The following ENOX1 variants were observed in gnomAD, a reference collection of about 807,000 sequenced individuals.
The protein encoded by ENOX1 is candidate growth-related and time keeping constitutive hydroquinone (NADH) oxidase.
In ENOX1, 42 loss-of-function variants were observed where a neutral mutation model predicts 82.5. The ratio of observed to expected loss-of-function variants is 0.51; its 90% CI spans 0.40 to 0.66. The LOEUF is 0.66. ENOX1 is among the 30% of genes least tolerant of loss of function. The pLI, the probability that ENOX1 is intolerant of heterozygous loss-of-function variation, is 0.00. For missense variants in ENOX1, 608 were observed against 811.6 expected, an observed-to-expected ratio of 0.75 and a Z score of 3.05; for synonymous variants, 271 against 282.2, an observed-to-expected ratio of 0.96 and a Z score of 0.40.
At chr13:43,462,978 TTC>T (rs1593323606) in intron 3 of ENOX1, among the ~76,000 whole-genome samples, 1 of 152,208 alleles carries the variant, frequency 6.6e-6, no homozygotes, top group African/African-American at 2.4e-5. Flanking sequence ...GTGCCTCTCA[TTC>T]TCTGTTTTGG....
At chr13:43,623,582 C>G (rs1255780055) in intron 2 of ENOX1, among the ~76,000 whole-genome samples, 4 of 152,246 alleles carry the variant, frequency 2.6e-5, no homozygotes, top group African/African-American at 9.6e-5. Flanking sequence ...GGGCACTCAA[C>G]AGTTTTGCGG....
At chr13:43,412,727 G>C (rs1487615611) in intron 4 of ENOX1, 118 bp downstream of exon 4, 7 of 1,146,208 alleles carry the variant, frequency 6.1e-6, no homozygotes, top group East Asian at 5.0e-5. Context: ...TCTACAGACT[G>C]ATTTCTTTAT....
chr13:43,611,423 T>G (rs531008386), intron 2 of ENOX1, among the ~76,000 whole-genome samples: 2 of 152,326 alleles, frequency 1.3e-5, no homozygotes, highest in Middle Eastern at 3.4e-3. Context: ...GATGTCAGAA[T>G]GCATCCGTCA....
At chr13:43,331,172 T>C (rs1314892500) in intron 9 of ENOX1, among the ~76,000 whole-genome samples, 2 of 152,194 alleles carry the variant, frequency 1.3e-5, no homozygotes, top group Non-Finnish European at 2.9e-5. Context: ...AATTTCAAGC[T>C]CTGGGCAGGA....
intron 2 of ENOX1, among the ~76,000 whole-genome samples, chr13:43,526,900 T>C (rs1339786224): frequency 6.6e-6 from 1 of 152,076 alleles, no homozygotes; most frequent in Non-Finnish European, 1.5e-5. Context: ...ACGGCCCATA[T>C]GAAACAGGCA....
At chr13:43,555,989 C>A (rs1384166713) in intron 2 of ENOX1, among the ~76,000 whole-genome samples, 1 of 152,170 alleles carries the variant, frequency 6.6e-6, no homozygotes, top group African/African-American at 2.4e-5. Context: ...TAACAGTTCT[C>A]AATCTTCTCA....
chr13:43,485,109 A>G lies in ENOX1; in HGVS notation c.-218-957T>C, dbSNP rs568004042. 2.6e-5 allele frequency among the ~76,000 whole-genome samples: 4 copies of G among 152,308 alleles called. No individual in the cohort carries two copies. The South Asian group carries it at 6.2e-4, about 24-fold the overall frequency. ...GGCTATTACTGAGTGATATTACTGT[A>G]TCTCTTTGTGGCTACATTCACCTTA... On this transcript the variant is annotated intron_variant, in intron 2 of 16. Transcript: ENST00000690772.
chr13:43,551,739 T>C (rs945706704), intron 2 of ENOX1, among the ~76,000 whole-genome samples: 3 of 152,170 alleles, frequency 2.0e-5, no homozygotes, highest in Admixed American at 2.0e-4. Context: ...AGCTGTTCCT[T>C]ACACCTTTCC....
intron 11 of ENOX1, among the ~76,000 whole-genome samples, chr13:43,315,739 T>C: frequency 6.6e-6 from 1 of 152,194 alleles, no homozygotes; most frequent in South Asian, 2.1e-4. Flanking sequence ...AGACGTTAGG[T>C]TGCTATAGTA....
At chr13:43,447,185 G>T (rs946768092) in intron 3 of ENOX1, among the ~76,000 whole-genome samples, 1 of 152,202 alleles carries the variant, frequency 6.6e-6, no homozygotes, top group Non-Finnish European at 1.5e-5. Context: ...ACTGTCTATT[G>T]TAAGATTCTT....
intron 11 of ENOX1, among the ~76,000 whole-genome samples, chr13:43,300,669 A>G (rs1181652775): frequency 6.6e-6 from 1 of 152,224 alleles, no homozygotes; most frequent in East Asian, 1.9e-4. Context: ...AAGATGGGGA[A>G]GGTTAGGTTC....
intron 3 of ENOX1, among the ~76,000 whole-genome samples, chr13:43,470,192 GTATA>G (rs1294705220): frequency 5.7e-5 from 8 of 140,758 alleles, no homozygotes; most frequent in African/African-American, 1.9e-4. Context: ...ATGTGTGTGT[GTATA>G]TATATATGTG....
At chr13:43,704,305 T>A (rs1345450783) in intron 1 of ENOX1, among the ~76,000 whole-genome samples, 1 of 152,108 alleles carries the variant, frequency 6.6e-6, no homozygotes, top group Non-Finnish European at 1.5e-5. Flanking sequence ...AGCCCACCAA[T>A]CAAGACCCTC....
intron 3 of ENOX1, among the ~76,000 whole-genome samples, chr13:43,416,995 G>A (rs1487753267): frequency 9.9e-5 from 15 of 152,228 alleles, no homozygotes. Flanking sequence ...GATCACTCGA[G>A]GTCAAGAGCT....
At chr13:43,319,555 C>G (rs1566501907) in intron 11 of ENOX1, among the ~76,000 whole-genome samples, 1 of 152,148 alleles carries the variant, frequency 6.6e-6, no homozygotes, top group African/African-American at 2.4e-5. Flanking sequence ...ATTTCCATCT[C>G]TTCCCTGCCC....
At chr13:43,730,854 T>C (rs1235867342) in intron 1 of ENOX1, among the ~76,000 whole-genome samples, 5 of 152,182 alleles carry the variant, frequency 3.3e-5, no homozygotes, top group African/African-American at 1.2e-4. Context: ...TCCGCAGGAC[T>C]CAGCTCAGGC....
At chr13:43,321,803 T>C (rs2047827589) in intron 11 of ENOX1, among the ~76,000 whole-genome samples, 1 of 152,230 alleles carries the variant, frequency 6.6e-6, no homozygotes, top group South Asian at 2.1e-4. Context: ...GATTTATATA[T>C]AATTCAATGA....
chr13:43,633,173 C>T (rs2083284741), intron 2 of ENOX1, among the ~76,000 whole-genome samples: 1 of 152,116 alleles, frequency 6.6e-6, no homozygotes, highest in Admixed American at 6.5e-5. Flanking sequence ...GGCATTCAAA[C>T]TCACTACTAA....
At chr13:43,753,665 T>G (rs536471558) in intron 1 of ENOX1, among the ~76,000 whole-genome samples, 1 of 152,298 alleles carries the variant, frequency 6.6e-6, no homozygotes, top group East Asian at 1.9e-4. Context: ...AGCTATATCC[T>G]CAGCATTTAT....
Sources: gnomAD v4.1 joint callset for allele counts (sites outside exome capture counted in the v4.1 genomes callset) on GRCh38, gnomAD v4.1.1 for gene constraint, MANE v1.5 for transcripts, NCBI Gene and HGNC (gene_info 2026-07-23, HGNC 2026-07-21) for gene names.